Variants in NXN observed in about 807,000 individuals in gnomAD.
NXN encodes nucleoredoxin 1.
In NXN, 16 loss-of-function variants were observed where a neutral mutation model predicts 48.6. The observed-to-expected ratio is 0.33, with a 90% CI of 0.22 to 0.50. The LOEUF (loss-of-function observed/expected upper bound fraction) is 0.50. Among genes scored for constraint, NXN ranks in the 20% least tolerant of loss-of-function variants. NXN has a pLI of 0.98. For missense variants in NXN, 492 were observed against 605.5 expected (o/e 0.81, Z 1.97); for synonymous variants, 281 against 269.6 (o/e 1.04, Z -0.41).
At chr17:864,325 C>T (rs1381937277) in intron 1 of NXN, among the ~76,000 whole-genome samples, 1 of 152,172 alleles carries the variant, frequency 6.6e-6, no homozygotes, top group Non-Finnish European at 1.5e-5. Context: ...GAATCAAAAC[C>T]ACGGTTCTTC....
At chr17:805,842 C>CAAATAAAT (rs142481427) in intron 5 of NXN, among the ~76,000 whole-genome samples, 39 of 152,066 alleles carry the variant, frequency 2.6e-4, no homozygotes, top group African/African-American at 9.4e-4. Context: ...TGTCTCTAAA[C>CAAATAAAT]AAATAAATAA....
intron 1 of NXN, among the ~76,000 whole-genome samples, chr17:972,197 G>C (rs2069391584): frequency 6.6e-6 from 1 of 152,162 alleles, no homozygotes; most frequent in African/African-American, 2.4e-5. Context: ...AGCTACTCGG[G>C]AGGCTGAAGC....
At chr17:908,733 A>G (rs2068604302) in intron 1 of NXN, among the ~76,000 whole-genome samples, 1 of 152,132 alleles carries the variant, frequency 6.6e-6, no homozygotes, top group Admixed American at 6.6e-5. Context: ...TCAAGACTAC[A>G]GGTGCCATTA....
chr17:841,586 CGGCGAG>C (rs1914283819), intron 1 of NXN, among the ~76,000 whole-genome samples: 1 of 11,894 alleles, frequency 8.4e-5, no homozygotes, highest in Non-Finnish European at 1.4e-4. Flanking sequence ...CATCTCACGC[CGGCGAG>C]CAGGTCCCCC....
intron 1 of NXN, among the ~76,000 whole-genome samples, chr17:964,232 G>C (rs951648323): frequency 7.2e-5 from 11 of 152,172 alleles, no homozygotes; most frequent in Non-Finnish European, 1.6e-4. Context: ...TGCATGTACA[G>C]AGACAGATAA....
intron 1 of NXN, among the ~76,000 whole-genome samples, chr17:848,610 T>TA (rs546535325): frequency 2.7e-4 from 41 of 152,382 alleles, no homozygotes; most frequent in Admixed American, 9.1e-4. Flanking sequence ...AAGCCATTTT[T>TA]ACAATGCAGT....
intron 1 of NXN, among the ~76,000 whole-genome samples, chr17:846,413 C>CAAAAA (rs757262418): frequency 2.4e-4 from 15 of 61,750 alleles, no homozygotes; most frequent in African/African-American, 4.2e-4. Flanking sequence ...GAAATTGTCT[C>CAAAAA]AAAAAAAAAA....
intron 5 of NXN, among the ~76,000 whole-genome samples, chr17:806,323 C>T (rs544297918): frequency 1.3e-5 from 2 of 148,912 alleles, no homozygotes; most frequent in Non-Finnish European, 3.0e-5. Context: ...CCAGCTCCCC[C>T]CTTCCCCAGG....
At chr17:960,861 C>T (rs1221219135) in intron 1 of NXN, among the ~76,000 whole-genome samples, 1 of 149,742 alleles carries the variant, frequency 6.7e-6, no homozygotes, top group Non-Finnish European at 1.5e-5. Flanking sequence ...TCTCGGCTCA[C>T]TGCAAGCTCC....
intron 1 of NXN, among the ~76,000 whole-genome samples, chr17:951,350 G>GA (rs34601121): frequency 0.29 from 37,798 of 129,770 alleles, 6,207 homozygotes; most frequent in Middle Eastern, 0.42. Flanking sequence ...ACTCCATCTC[G>GA]AAAAAAAAAA....
intron 1 of NXN, among the ~76,000 whole-genome samples, chr17:831,478 T>TTTATTTATTTATTTATTTA (rs10675426): frequency 5.0e-5 from 5 of 100,574 alleles, no homozygotes; most frequent in African/African-American, 7.9e-5. Flanking sequence ...TATTTATTTA[T>TTTATTTATTTATTTATTTA]TTATTATTTT....
intron 1 of NXN, among the ~76,000 whole-genome samples, chr17:903,330 C>G (rs2068554158): frequency 1.3e-5 from 2 of 151,772 alleles, no homozygotes; most frequent in Non-Finnish European, 2.9e-5. Context: ...CTCAGCCTCC[C>G]AAGTAGCTGG....
At chr17:812,962 AT>A (rs1567813103) in intron 5 of NXN, among the ~76,000 whole-genome samples, 1 of 144,550 alleles carries the variant, frequency 6.9e-6, no homozygotes, top group African/African-American at 2.7e-5. Context: ...GTAGGTGTGC[AT>A]GTTTGTAGGT....
At chr17:837,402 A>G (rs1913885027) in intron 1 of NXN, among the ~76,000 whole-genome samples, 2 of 152,150 alleles carry the variant, frequency 1.3e-5, no homozygotes, top group Non-Finnish European at 2.9e-5. Flanking sequence ...CATGACTGCA[A>G]TCCTCAGAGC....
intron 1 of NXN, among the ~76,000 whole-genome samples, chr17:947,981 G>C (rs1489851709): frequency 1.8e-4 from 27 of 151,962 alleles, no homozygotes; most frequent in Non-Finnish European, 4.4e-5. Flanking sequence ...AACCCGGGAG[G>C]CGGAGGTTGC....
intron 1 of NXN, among the ~76,000 whole-genome samples, chr17:879,199 G>A (rs1167972584): frequency 3.3e-5 from 5 of 151,964 alleles, no homozygotes; most frequent in African/African-American, 1.2e-4. Flanking sequence ...GAGGGAAGGA[G>A]AAGGAGAGAA....
intron 1 of NXN, among the ~76,000 whole-genome samples, chr17:943,723 G>A (rs1028164569): frequency 2.0e-5 from 3 of 151,790 alleles, no homozygotes; most frequent in Non-Finnish European, 2.9e-5. Context: ...GACTCGGGGG[G>A]CTGAGACAGG....
intron 1 of NXN, among the ~76,000 whole-genome samples, chr17:947,770 G>A (rs886938855): frequency 1.3e-5 from 2 of 149,668 alleles, no homozygotes; most frequent in African/African-American, 2.5e-5. Flanking sequence ...AGGCATGGTG[G>A]CTCACGCCTG....
chr17:896,266 G>A (rs934739527), intron 1 of NXN, among the ~76,000 whole-genome samples: 3 of 151,648 alleles, frequency 2.0e-5, no homozygotes, highest in Non-Finnish European at 2.9e-5. Flanking sequence ...CTTGAACCCA[G>A]GAGGCAGAGG....
Sources: allele counts gnomAD v4.1 joint callset (sites outside exome capture counted in the v4.1 genomes callset), GRCh38; gene constraint gnomAD v4.1.1; transcripts MANE v1.5; gene names NCBI Gene and HGNC (gene_info 2026-07-23, HGNC 2026-07-21).